The following RNF150 variants were observed in gnomAD, a reference collection of about 807,000 sequenced individuals.
RNF150 encodes the protein ring finger protein 150.
In RNF150, 24 loss-of-function variants were observed where a neutral mutation model predicts 39.3. The ratio of observed to expected loss-of-function variants is 0.61; its 90% CI spans 0.44 to 0.86. The LOEUF is 0.86. Among genes scored for constraint, RNF150 ranks in the 40% least tolerant of loss-of-function variants. The pLI, the probability that RNF150 is intolerant of heterozygous loss-of-function variation, is 0.00. For missense variants in RNF150, 502 were observed against 587.8 expected (o/e 0.85, Z 1.51); for synonymous variants, 255 against 227.3 (o/e 1.12, Z -1.10).
Position 140,953,605 on chromosome 4 carries a change from A to T in RNF150, c.736-4233T>A, listed in dbSNP as rs375404212. 1.4e-3 allele frequency among the ~76,000 whole-genome samples: 216 copies of T among 152,242 alleles called. 1 individual carries two copies. Among genetic ancestry groups the T allele is most frequent in the African/African-American group, 4.8e-3 (201 of 41,546 alleles). ...AAGTTTTGAAAAAAATGCAATTTCCATATGCATGTAAACAAGTATCAGTAT... is the reference window on the plus strand; with the variant it reads ...AAGTTTTGAAAAAAATGCAATTTCCTTATGCATGTAAACAAGTATCAGTAT... On this transcript the variant is annotated intron_variant, in intron 2 of 6. Transcript: ENST00000515673.
Position 140,863,330 on chromosome 4 carries a change from G to T in RNF150, c.*4931C>A, listed in dbSNP as rs1248294662. 6.6e-6 allele frequency: 1 copy of T among 152,188 alleles called. No individual in the cohort carries two copies. Among genetic ancestry groups the T allele is most frequent in the Admixed American group, 6.5e-5 (1 of 15,278 alleles). The allele number at this position is 152,188 out of a possible 1,614,324, so 9.4% of individuals were successfully genotyped here. A position where few individuals can be genotyped will look rare whatever the true frequency, so the allele number is the denominator to read the frequency against. On this transcript the variant is annotated 3_prime_UTR_variant, in exon 7 of 7. Coordinates refer to ENST00000515673, the MANE Select transcript of RNF150 (RefSeq NM_020724.2). ...TATGGCAAGGAAGCCTGAAAACATGGCAATGGTTGTAAGATGGGTTGCGAT... is the reference window on the plus strand; with the variant it reads ...TATGGCAAGGAAGCCTGAAAACATGTCAATGGTTGTAAGATGGGTTGCGAT...
chr4:141,049,361 A>G (rs1463062779), intron 1 of RNF150, among the ~76,000 whole-genome samples: 11 of 152,024 alleles, frequency 7.2e-5, no homozygotes, highest in Admixed American at 5.2e-4. Flanking sequence ...AAATAGAGCT[A>G]GAGGAACAAT....
chr4:141,153,490 C>G (rs1727334198), intron 1 of RNF150, among the ~76,000 whole-genome samples: 1 of 152,116 alleles, frequency 6.6e-6, no homozygotes, highest in South Asian at 2.1e-4. Context: ...CTGCTGACAC[C>G]TTGATCTTGA....
rs1283188387 is a variant in RNF150, at chr4:141,016,463, AG to A, written c.485-48591del. On this transcript the variant is annotated intron_variant, in intron 1 of 6. Coordinates refer to ENST00000515673, the MANE Select transcript of RNF150 (RefSeq NM_020724.2). ...TAAAAGCAGGTATAAATATGACTGC[AG>A]ACCTGTTCCTGAGCTGCTGCTCTCA... Among the ~76,000 whole-genome samples the A allele has an allele frequency of 3.8e-5, 4 of 105,620 alleles. No individual in the cohort carries two copies. In the Admixed American group the frequency reaches 4.5e-4, roughly 12 times the overall value. 69.3% of individuals were successfully genotyped at this position (105,620 alleles called of 152,430 possible). A position where few individuals can be genotyped will look rare whatever the true frequency, so the allele number is the denominator to read the frequency against.
At chr4:141,002,246 A>ATT (rs539231948) in intron 1 of RNF150, among the ~76,000 whole-genome samples, 2 of 147,812 alleles carry the variant, frequency 1.4e-5, no homozygotes, top group Non-Finnish European at 3.0e-5. Context: ...GTTTTCCTAG[A>ATT]TTTTTTTTTT....
intron 1 of RNF150, among the ~76,000 whole-genome samples, chr4:141,101,735 A>G (rs1739018335): frequency 6.6e-6 from 1 of 152,154 alleles, no homozygotes; most frequent in African/African-American, 2.4e-5. Context: ...TACAACAGCT[A>G]CAACGTCACC....
At chr4:141,128,578 G>A (rs2111102713) in intron 1 of RNF150, among the ~76,000 whole-genome samples, 1 of 152,224 alleles carries the variant, frequency 6.6e-6, no homozygotes, top group South Asian at 2.1e-4. Flanking sequence ...ATAACTGAAA[G>A]TTCACTTCTG....
At chr4:141,185,664 G>A (rs1727994378) in intron 1 of RNF150, among the ~76,000 whole-genome samples, 1 of 152,112 alleles carries the variant, frequency 6.6e-6, no homozygotes, top group Non-Finnish European at 1.5e-5. Flanking sequence ...TTGGCTGTGG[G>A]TTTGTCATAA....
chr4:141,187,265 T>C (rs1728028808), intron 1 of RNF150, among the ~76,000 whole-genome samples: 1 of 152,200 alleles, frequency 6.6e-6, no homozygotes, highest in South Asian at 2.1e-4. Context: ...AGGGTTTTAC[T>C]TCCAATTATA....
At chr4:141,161,378 A>G (rs1727510107) in intron 1 of RNF150, among the ~76,000 whole-genome samples, 2 of 152,218 alleles carry the variant, frequency 1.3e-5, no homozygotes, top group African/African-American at 4.8e-5. Context: ...ACCTATGCAC[A>G]TGTGTGTAAG....
intron 6 of RNF150, among the ~76,000 whole-genome samples, chr4:140,870,704 A>AG (rs1728899710): frequency 6.6e-6 from 1 of 152,084 alleles, no homozygotes; most frequent in Non-Finnish European, 1.5e-5. Context: ...TGGCTCCTGA[A>AG]GTGGGGCAGG....
At chr4:141,029,078 C>T (rs1735827463) in intron 1 of RNF150, among the ~76,000 whole-genome samples, 1 of 152,130 alleles carries the variant, frequency 6.6e-6, no homozygotes, top group African/African-American at 2.4e-5. Context: ...CACAGTCACC[C>T]AAGATCTGGC....
chr4:141,080,933 T>G (rs1387589404), intron 1 of RNF150, among the ~76,000 whole-genome samples: 1 of 152,178 alleles, frequency 6.6e-6, no homozygotes, highest in African/African-American at 2.4e-5. Flanking sequence ...AGAAGTCTGA[T>G]CGCCAAACGA....
At chr4:141,007,803 T>C (rs1414106991) in intron 1 of RNF150, among the ~76,000 whole-genome samples, 1 of 152,200 alleles carries the variant, frequency 6.6e-6, no homozygotes, top group African/African-American at 2.4e-5. Flanking sequence ...GTCCCACAGG[T>C]GCATCTGGTT....
chr4:141,201,825 A>C (rs1008062035), intron 1 of RNF150, among the ~76,000 whole-genome samples: 1 of 152,146 alleles, frequency 6.6e-6, no homozygotes, highest in Non-Finnish European at 1.5e-5. Context: ...ACCTTGTGCT[A>C]TGGTCTGAAT....
intron 2 of RNF150, among the ~76,000 whole-genome samples, chr4:140,961,384 T>C (rs906684518): frequency 1.3e-5 from 2 of 152,144 alleles, no homozygotes; most frequent in African/African-American, 4.8e-5. Flanking sequence ...ATCTGGCTAA[T>C]TCAAGGTCAG....
intron 6 of RNF150, among the ~76,000 whole-genome samples, chr4:140,898,882 C>G (rs1403126158): frequency 6.6e-6 from 1 of 152,248 alleles, no homozygotes; most frequent in African/African-American, 2.4e-5. Context: ...CCAATACTTT[C>G]TTGTGCTGAC....
chr4:141,030,514 C>T (rs367830078), intron 1 of RNF150, among the ~76,000 whole-genome samples: 20 of 152,084 alleles, frequency 1.3e-4, no homozygotes, highest in African/African-American at 4.6e-4. Flanking sequence ...CCCATGTTCA[C>T]TGCAGCTGGA....
intron 1 of RNF150, among the ~76,000 whole-genome samples, chr4:141,178,622 A>G (rs1727856291): frequency 6.6e-6 from 1 of 152,132 alleles, no homozygotes; most frequent in African/African-American, 2.4e-5. Flanking sequence ...CTTAAAGAAG[A>G]CAAGTTCCTT....
Sources: allele counts gnomAD v4.1 joint callset (sites outside exome capture counted in the v4.1 genomes callset), GRCh38; gene constraint gnomAD v4.1.1; transcripts MANE v1.5; gene names NCBI Gene and HGNC (gene_info 2026-07-23, HGNC 2026-07-21).